LRRC9: variants seen among roughly 807,000 people sequenced by gnomAD.
LRRC9 encodes leucine-rich repeat-containing protein 9.
LRRC9 carries 122 observed loss-of-function variants against 63.2 expected under a neutral mutation model. The ratio of observed to expected loss-of-function variants is 1.93; its 90% CI spans 1.67 to 2.24. LRRC9 has a LOEUF of 2.24. Ranked by LOEUF, LRRC9 falls within the 30% of genes most tolerant of loss-of-function variation. The pLI is 0.00. For missense variants in LRRC9, 1,071 were observed against 627.7 expected (o/e 1.71, Z -7.55); for synonymous variants, 366 against 213.1 (o/e 1.72, Z -6.25).
At chr14:60,006,375 T>C (rs981914597) in intron 21 of LRRC9, 22 bp from the exon 22 acceptor site, 11 of 673,532 alleles carry the variant, frequency 1.6e-5, no homozygotes, top group Middle Eastern at 2.4e-4. Context: ...GAATCTTTTC[T>C]TGAATTTGCT....
intron 27 of LRRC9, among the ~76,000 whole-genome samples, chr14:60,025,304 G>T (rs1237043891): frequency 1.3e-5 from 2 of 150,534 alleles, no homozygotes; most frequent in African/African-American, 4.9e-5. Context: ...GTCTCAATTT[G>T]TTACCCAGGC....
chr14:59,933,026 C>T (rs1889834730), intron 6 of LRRC9, among the ~76,000 whole-genome samples: 1 of 152,166 alleles, frequency 6.6e-6, no homozygotes, highest in Non-Finnish European at 1.5e-5. Context: ...TGTCCAGTTT[C>T]AGCCACACTG....
intron 7 of LRRC9, among the ~76,000 whole-genome samples, chr14:59,941,200 T>C (rs1266773112): frequency 1.3e-5 from 2 of 151,926 alleles, no homozygotes; most frequent in Non-Finnish European, 2.9e-5. Flanking sequence ...CTTAATAAAT[T>C]AGAAAAAGTT....
chr14:60,037,915 T>A (rs979056672), intron 29 of LRRC9, among the ~76,000 whole-genome samples: 1 of 152,216 alleles, frequency 6.6e-6, no homozygotes, highest in Admixed American at 6.5e-5. Flanking sequence ...AATTTAAGTC[T>A]TTAATCTATC....
In LRRC9 at chr14:59,958,127, A is replaced by G. The variant is rs1303903998; in HGVS notation, c.883-1691A>G. On this transcript the variant is annotated intron_variant, in intron 8 of 31. Coordinates refer to ENST00000445360, the Ensembl canonical transcript of LRRC9. The surrounding 1 kb of genome is among the most constrained non-coding windows in gnomAD (Gnocchi z 4.0). Reference sequence around the variant, plus strand: ...GGGTCAGGAACCCACTTGAGCAGGCAGTCTGTCCCTTAGCAGAGCTGGTGC... The same window carrying G: ...GGGTCAGGAACCCACTTGAGCAGGCGGTCTGTCCCTTAGCAGAGCTGGTGC... Among the ~76,000 whole-genome samples, 1 of 152,222 alleles carries G rather than the reference A, an allele frequency of 6.6e-6. No individual in the cohort carries two copies. The highest frequency in any genetic ancestry group is 2.4e-5 in the African/African-American group (1 of 41,454).
intron 26 of LRRC9, among the ~76,000 whole-genome samples, 183 bp from the exon 27 acceptor site, chr14:60,022,551 T>G (rs1321983884): frequency 2.0e-5 from 3 of 151,796 alleles, no homozygotes; most frequent in Non-Finnish European, 4.4e-5. Flanking sequence ...TAGACCATTC[T>G]TTTTAAAGAA....
chr14:60,062,716 C>A (rs1294061930), intron 31 of LRRC9, among the ~76,000 whole-genome samples: 1 of 152,146 alleles, frequency 6.6e-6, no homozygotes, highest in African/African-American at 2.4e-5. Context: ...ATACACTCTT[C>A]TGCTCAACAC....
At chr14:59,965,937 A>G (rs1468069245) in intron 10 of LRRC9, among the ~76,000 whole-genome samples, 1 of 141,330 alleles carries the variant, frequency 7.1e-6, no homozygotes, top group Non-Finnish European at 1.5e-5. Context: ...GGTGAGGAAG[A>G]AAGGAGAGGA....
chr14:60,005,806 T>G (rs558022678), intron 21 of LRRC9, among the ~76,000 whole-genome samples: 2 of 152,238 alleles, frequency 1.3e-5, no homozygotes, highest in Non-Finnish European at 2.9e-5. Flanking sequence ...CCAACTAGGA[T>G]TCCGAAGTTC....
At chr14:59,988,341 T>G (rs1566848602) in intron 17 of LRRC9, among the ~76,000 whole-genome samples, 1 of 152,176 alleles carries the variant, frequency 6.6e-6, no homozygotes, top group East Asian at 1.9e-4. Context: ...TGAATATATG[T>G]GTGCATGTGT....
chr14:59,963,734 G>A (rs1884570889), intron 10 of LRRC9, among the ~76,000 whole-genome samples: 1 of 152,048 alleles, frequency 6.6e-6, no homozygotes, highest in Non-Finnish European at 1.5e-5. Context: ...TAATTAATCT[G>A]CCTCTTTATA....
At chr14:60,032,099 T>C (rs549399570) in intron 29 of LRRC9, 36 bp downstream of exon 29, 1 of 672,118 alleles carries the variant, frequency 1.5e-6, no homozygotes, top group South Asian at 1.6e-5. Flanking sequence ...TTAGTTAATT[T>C]ACTGGTAGTT....
In LRRC9 at chr14:59,942,187, CAT is replaced by C. The variant is rs543643791; in HGVS notation, c.727-2399_727-2398del. The stretch of plus-strand genomic sequence containing the variant: ...AATAGTATTCCATCATGTGTATACA[CAT>C]ATGTGTGTGTGTAATGTGATATATA... On this transcript the variant is annotated intron_variant, in intron 7 of 31. Transcript: ENST00000445360. The surrounding 1 kb of genome is among the most constrained non-coding windows in gnomAD (Gnocchi z 5.3). Among the ~76,000 whole-genome samples the C allele has an allele frequency of 1.2e-4, 18 of 152,238 alleles. 1 individual carries two copies. Among genetic ancestry groups the C allele is most frequent in the East Asian group, 3.9e-4 (2 of 5,186 alleles).
Position 59,931,957 on chromosome 14 carries a change from T to C in LRRC9, c.473-12T>C, listed in dbSNP as rs776341921. ...GTAAAATAATTGAATTCTTTTCGTCTATTTTTTAAAGGTCGATGTCTTGAC... is the reference window on the plus strand; with the variant it reads ...GTAAAATAATTGAATTCTTTTCGTCCATTTTTTAAAGGTCGATGTCTTGAC... On this transcript the variant is annotated splice_polypyrimidine_tract_variant and intron_variant, in intron 5 of 31. Transcript: ENST00000445360. 2.9e-6 allele frequency: 2 copies of C among 697,808 alleles called. No individual in the cohort carries two copies. Among genetic ancestry groups the C allele is most frequent in the South Asian group, 1.5e-5 (1 of 66,316 alleles). 43.2% of individuals were successfully genotyped at this position (697,808 alleles called of 1,614,324 possible). A position where few individuals can be genotyped will look rare whatever the true frequency, so the allele number is the denominator to read the frequency against.
intron 8 of LRRC9, among the ~76,000 whole-genome samples, chr14:59,956,123 G>T (rs752670698): frequency 1.3e-5 from 2 of 152,042 alleles, no homozygotes; most frequent in African/African-American, 2.4e-5. Context: ...CTTGATTTGG[G>T]GTGGAGAGTT....
At chr14:59,975,235 G>A (rs1318078689) in intron 13 of LRRC9, among the ~76,000 whole-genome samples, 3 of 145,850 alleles carry the variant, frequency 2.1e-5, no homozygotes, top group African/African-American at 7.6e-5. Flanking sequence ...GCCCATATAT[G>A]TGATAATTAT....
At chr14:60,064,608 G>A (rs1377331585), downstream of LRRC9, among the ~76,000 whole-genome samples, 2 of 151,966 alleles carry the variant, frequency 1.3e-5, no homozygotes, top group African/African-American at 4.8e-5. Context: ...GTAATGTGTG[G>A]TTTTTAAACA....
intron 23 of LRRC9, among the ~76,000 whole-genome samples, chr14:60,015,786 G>A (rs980845911): frequency 3.3e-5 from 5 of 152,134 alleles, no homozygotes; most frequent in African/African-American, 1.2e-4. Flanking sequence ...TGTTACTGCT[G>A]AGGAGGGATG....
chr14:60,024,419 A>G (rs1465532656), intron 27 of LRRC9, among the ~76,000 whole-genome samples: 1 of 152,034 alleles, frequency 6.6e-6, no homozygotes, highest in Non-Finnish European at 1.5e-5. Context: ...GCGTGAGAAA[A>G]ACACAGGGCT....
Sources: allele counts gnomAD v4.1 joint callset (sites outside exome capture counted in the v4.1 genomes callset), GRCh38; gene constraint gnomAD v4.1.1; non-coding constraint Gnocchi (gnomAD v3.1); transcripts MANE v1.5; gene names NCBI Gene and HGNC (gene_info 2026-07-23, HGNC 2026-07-21).